Variants in CDK14 observed in about 807,000 individuals in gnomAD.
The protein encoded by CDK14 is cyclin dependent kinase 14, also known as cyclin-dependent kinase 14.
CDK14 carries 34 observed loss-of-function variants against 60.7 expected under a neutral mutation model. The ratio of observed to expected loss-of-function variants is 0.56; its 90% CI spans 0.43 to 0.75. The LOEUF (loss-of-function observed/expected upper bound fraction) is 0.75, where lower values mean the gene tolerates loss of function less well. Ranked by LOEUF, CDK14 falls within the 30% of genes least tolerant of loss-of-function variation. CDK14 has a pLI of 0.00. For synonymous variants in CDK14, 197 were observed against 203.7 expected, an observed-to-expected ratio of 0.97 and a Z score of 0.28; for missense variants, 482 against 564.1, an observed-to-expected ratio of 0.85 and a Z score of 1.47.
intron 14 of CDK14, among the ~76,000 whole-genome samples, chr7:91,130,065 G>A (rs1335455169): frequency 1.3e-5 from 2 of 152,060 alleles, no homozygotes; most frequent in Non-Finnish European, 2.9e-5. Flanking sequence ...TTGTTGTACT[G>A]TAAAAGAAGA....
chr7:90,711,792 T>G lies in CDK14; in HGVS notation c.124-14775T>G, dbSNP rs188659179. On this transcript the variant is annotated intron_variant, in intron 2 of 14. Coordinates refer to ENST00000380050, the MANE Select transcript of CDK14 (RefSeq NM_001287135.2). ...TTAATCCTCTCCTTTTAAAAAAGCATTTTTTGGTTAAACATTTTTGGAGTC... is the reference window on the plus strand; with the variant it reads ...TTAATCCTCTCCTTTTAAAAAAGCAGTTTTTGGTTAAACATTTTTGGAGTC... Among the ~76,000 whole-genome samples the G allele has an allele frequency of 1.6e-4, 25 of 152,196 alleles. 1 individual carries two copies. The highest frequency in any genetic ancestry group is 1.4e-3 in the South Asian group (7 of 4,828).
chr7:90,705,350 A>T (rs1369809836), intron 2 of CDK14, among the ~76,000 whole-genome samples: 1 of 152,112 alleles, frequency 6.6e-6, no homozygotes, highest in Non-Finnish European at 1.5e-5. Context: ...AGGAAAAAAA[A>T]AGATAAAGAT....
At chr7:90,905,656 T>C (rs1792673153) in intron 7 of CDK14, among the ~76,000 whole-genome samples, 1 of 152,152 alleles carries the variant, frequency 6.6e-6, no homozygotes, top group South Asian at 2.1e-4. Context: ...TTCACTGAGA[T>C]GATGGAGTGT....
intron 5 of CDK14, among the ~76,000 whole-genome samples, chr7:90,845,019 T>G (rs1344452453): frequency 2.0e-5 from 3 of 152,176 alleles, no homozygotes; most frequent in Admixed American, 2.0e-4. Context: ...TCCTTAGCAC[T>G]TGCCACACTC....
chr7:90,641,590 A>C (rs1303132442), intron 2 of CDK14, among the ~76,000 whole-genome samples: 2 of 152,066 alleles, frequency 1.3e-5, no homozygotes, highest in Admixed American at 1.3e-4. Context: ...TAGAGACAGA[A>C]AGTAGATTAA....
intron 10 of CDK14, among the ~76,000 whole-genome samples, chr7:91,024,098 G>A (rs1421675147): frequency 6.8e-6 from 1 of 146,954 alleles, no homozygotes; most frequent in Non-Finnish European, 1.5e-5. Flanking sequence ...AAGAAGCTAA[G>A]CAACCCATCC....
intron 2 of CDK14, among the ~76,000 whole-genome samples, chr7:90,620,280 T>G (rs952164513): frequency 6.6e-6 from 1 of 152,228 alleles, no homozygotes; most frequent in Non-Finnish European, 1.5e-5. Context: ...AATTATTAAC[T>G]CAGTTGACTG....
intron 2 of CDK14, among the ~76,000 whole-genome samples, chr7:90,673,163 C>T (rs1380476119): frequency 6.6e-6 from 1 of 152,282 alleles, no homozygotes; most frequent in East Asian, 1.9e-4. Flanking sequence ...TTCTTAATAG[C>T]TTTCCATGCC....
At position 90,695,614 on chromosome 7, in the gene CDK14, A is replaced by C. The variant is rs147062647; in HGVS notation, c.124-30953A>C. On this transcript the variant is annotated intron_variant, in intron 2 of 14. Coordinates refer to ENST00000380050, the MANE Select transcript of CDK14 (RefSeq NM_001287135.2). ...CTGAATTTCTGAGGAATATAAACAAAAGCAAGGAAAGGGGAAAAACGGATG... is the reference window on the plus strand; with the variant it reads ...CTGAATTTCTGAGGAATATAAACAACAGCAAGGAAAGGGGAAAAACGGATG... Among the ~76,000 whole-genome samples, 843 of 152,268 alleles carry C rather than the reference A, an allele frequency of 5.5e-3. 6 individuals are homozygous for C. The highest frequency in any genetic ancestry group is 0.02 in the Middle Eastern group (6 of 294).
chr7:90,887,944 TAA>T (rs1038075562), intron 6 of CDK14, among the ~76,000 whole-genome samples: 9 of 152,204 alleles, frequency 5.9e-5, no homozygotes, highest in Non-Finnish European at 1.0e-4. Context: ...TCACTTATTA[TAA>T]GAGTTTGAAA....
intron 6 of CDK14, among the ~76,000 whole-genome samples, chr7:90,877,241 A>G (rs1459933079): frequency 6.6e-6 from 1 of 152,152 alleles, no homozygotes. Context: ...TTTCAGTTTC[A>G]TTATGTTTTC....
chr7:91,118,385 C>T lies in CDK14; in HGVS notation c.*28+177C>T, dbSNP rs570865892. 1.1e-4 allele frequency among the ~76,000 whole-genome samples: 17 copies of T among 152,284 alleles called. No homozygotes were observed. In the East Asian group the frequency reaches 3.3e-3, roughly 29 times the overall value. ...ACTCAGTCATTTCCATATTTTCAGG[C>T]ACCTACTAGATTCTAACTAAAATTA... is the stretch of plus-strand genomic sequence containing the variant. On this transcript the variant is annotated intron_variant, in intron 14 of 14. Coordinates refer to ENST00000380050, the MANE Select transcript of CDK14 (RefSeq NM_001287135.2).
At chr7:90,925,825 T>A (rs1793399345) in intron 8 of CDK14, among the ~76,000 whole-genome samples, 1 of 152,232 alleles carries the variant, frequency 6.6e-6, no homozygotes, top group Non-Finnish European at 1.5e-5. Flanking sequence ...AACATTTTGT[T>A]ATAGTTTGTT....
intron 2 of CDK14, among the ~76,000 whole-genome samples, chr7:90,677,332 T>C (rs1801222434): frequency 6.6e-6 from 1 of 152,234 alleles, no homozygotes; most frequent in Non-Finnish European, 1.5e-5. Flanking sequence ...TAAAACTTAC[T>C]GTGAAACTTG....
At chr7:90,902,756 T>C (rs1245524754) in intron 7 of CDK14, among the ~76,000 whole-genome samples, 1 of 152,074 alleles carries the variant, frequency 6.6e-6, no homozygotes, top group African/African-American at 2.4e-5. Context: ...GGGACTATAT[T>C]AAACTAATAG....
chr7:90,855,466 A>T (rs1005673707), intron 5 of CDK14, among the ~76,000 whole-genome samples: 1 of 152,326 alleles, frequency 6.6e-6, no homozygotes, highest in East Asian at 1.9e-4. Flanking sequence ...TAAAAGCAAT[A>T]TATCTTTATC....
chr7:90,926,200 C>T (rs1415901271), intron 8 of CDK14, among the ~76,000 whole-genome samples: 4 of 152,048 alleles, frequency 2.6e-5, no homozygotes, highest in Non-Finnish European at 5.9e-5. Context: ...ACTGGATGTT[C>T]AGGTCGAAGT....
At chr7:90,956,097 G>C (rs114345685) in intron 9 of CDK14, among the ~76,000 whole-genome samples, 51 of 152,236 alleles carry the variant, frequency 3.4e-4, no homozygotes, top group African/African-American at 1.2e-3. Context: ...GTCTTAATTT[G>C]TGGCTGTATC....
chr7:91,015,234 T>G lies in CDK14; in HGVS notation c.1042-30663T>G, dbSNP rs1796266004. Among the ~76,000 whole-genome samples the G allele has an allele frequency of 2.6e-5, 4 of 152,174 alleles. No homozygotes were observed. The South Asian group carries it at 8.3e-4, about 31-fold the overall frequency. On this transcript the variant is annotated intron_variant, in intron 10 of 14. Transcript: ENST00000380050. ...GTTTTCTTACTAATTAAGGTCATTC[T>G]TATTTTTCTTTCCTTGAGCATTAAC...
Sources: allele counts gnomAD v4.1 joint callset (sites outside exome capture counted in the v4.1 genomes callset), GRCh38; gene constraint gnomAD v4.1.1; transcripts MANE v1.5; gene names NCBI Gene and HGNC (gene_info 2026-07-23, HGNC 2026-07-21).